AKNA: variants seen among roughly 807,000 people sequenced by gnomAD.
AKNA encodes microtubule organization protein AKNA.
Under a neutral mutation model 138.8 loss-of-function variants are expected in AKNA, and 67 were observed. The ratio of observed to expected loss-of-function variants is 0.48; its 90% CI spans 0.40 to 0.59. The LOEUF is 0.59. AKNA is among the 20% of genes least tolerant of loss of function. The pLI, the probability that AKNA is intolerant of heterozygous loss-of-function variation, is 0.00. For synonymous variants in AKNA, 737 were observed against 754.4 expected (o/e 0.98, Z 0.38); for missense variants, 1,813 against 1,880.4 (o/e 0.96, Z 0.66).
Position 114,381,078 on chromosome 9 carries a change from C to T in AKNA, c.256G>A (p.Gly86Arg). 6.4e-7 allele frequency: 1 copy of T among 1,570,726 alleles called. No homozygotes were observed. The highest frequency in any genetic ancestry group is 1.6e-5 in the African/African-American group (1 of 62,222). The change falls in exon 2 of 22, where the codon GGA (glycine) becomes AGA (arginine). Residue 86 changes from glycine (G) to arginine (R), a missense_variant. Gly to Arg is a moderately radical substitution (Grantham distance 125). Transcript: ENST00000374088. Reference protein sequence around the residue: ...QPDGHQDSESGETSGEEAEAE... With the variant: ...QPDGHQDSESRETSGEEAEAE... ...GTCTCACCTTCTCCCGAAGTCTCTC[C>T]TGACTCGGAATCCTGATGCCCATCG...
intron 14 of AKNA, among the ~76,000 whole-genome samples, chr9:114,355,673 A>G (rs574937433): frequency 4.6e-5 from 7 of 152,238 alleles, no homozygotes; most frequent in Non-Finnish European, 7.3e-5. Context: ...GCAGTGCATG[A>G]CAGTATGTGT....
downstream of AKNA, among the ~76,000 whole-genome samples, chr9:114,332,220 C>A (rs1357982293): frequency 6.6e-6 from 1 of 151,846 alleles, no homozygotes; most frequent in South Asian, 2.1e-4. Flanking sequence ...GGACGTAATG[C>A]GGGGAGTTAC....
At chr9:114,350,722 A>T (rs1831049349) in intron 15 of AKNA, 137 bp downstream of exon 15, 1 of 952,396 alleles carries the variant, frequency 1.0e-6, no homozygotes. Flanking sequence ...GGGAGGCAGG[A>T]CACCTGGGTC....
chr9:114,351,373 G>A (rs1378934036), intron 14 of AKNA, among the ~76,000 whole-genome samples: 1 of 152,106 alleles, frequency 6.6e-6, no homozygotes, highest in Non-Finnish European at 1.5e-5. Context: ...GTTTTTGTGG[G>A]GCTGGCTTCA....
chr9:114,392,010 G>A (rs1834362735), upstream of AKNA, among the ~76,000 whole-genome samples: 1 of 149,316 alleles, frequency 6.7e-6, no homozygotes, highest in Admixed American at 6.8e-5. Flanking sequence ...CGAGCCTGAG[G>A]CACAAGAATC....
upstream of AKNA, among the ~76,000 whole-genome samples, chr9:114,398,171 G>A (rs1834594717): frequency 6.6e-6 from 1 of 152,158 alleles, no homozygotes; most frequent in South Asian, 2.1e-4. The surrounding 1 kb of genome is among the most constrained non-coding windows in gnomAD (Gnocchi z 4.2). Context: ...GGAGGGTGGA[G>A]ACTGAGGAAC....
intron 3 of AKNA, among the ~76,000 whole-genome samples, chr9:114,375,407 A>G (rs1437937259): frequency 1.3e-5 from 2 of 152,236 alleles, no homozygotes; most frequent in Non-Finnish European, 2.9e-5. Context: ...GACAGACTTG[A>G]AAGGCACCAA....
intron 1 of AKNA, among the ~76,000 whole-genome samples, chr9:114,385,726 T>C (rs757394974): frequency 3.9e-5 from 6 of 152,234 alleles, no homozygotes; most frequent in African/African-American, 1.4e-4. Flanking sequence ...GAGCCTTTCC[T>C]GAGCCAGGCC....
chr9:114,367,771 C>G, intron 5 of AKNA, 74 bp from the exon 6 acceptor site: 1 of 1,461,164 alleles, frequency 6.8e-7, no homozygotes. Context: ...GGCTGAACGT[C>G]AAAGCCACCA....
chr9:114,385,003 C>T (rs1488960350), intron 1 of AKNA, among the ~76,000 whole-genome samples: 1 of 152,192 alleles, frequency 6.6e-6, no homozygotes, highest in Non-Finnish European at 1.5e-5. Context: ...GTATGCGCCA[C>T]CATGCCTGGC....
intron 17 of AKNA, 144 bp downstream of exon 17, chr9:114,346,525 T>G (rs1235301053): frequency 4.9e-6 from 3 of 612,022 alleles, no homozygotes; most frequent in Non-Finnish European, 8.2e-6. Flanking sequence ...GCTCTGTGCT[T>G]CACAGCACTA....
At chr9:114,339,176 A>G (rs1017764960) in intron 21 of AKNA, among the ~76,000 whole-genome samples, 1 of 152,172 alleles carries the variant, frequency 6.6e-6, no homozygotes, top group African/African-American at 2.4e-5. Flanking sequence ...TTTGATGACC[A>G]ACTTGGCCTG....
chr9:114,381,782 T>TG (rs1833701356), intron 1 of AKNA, among the ~76,000 whole-genome samples: 2 of 147,214 alleles, frequency 1.4e-5, no homozygotes, highest in Non-Finnish European at 3.0e-5. Context: ...TGCCTCAGCC[T>TG]CCTGAGTAGC....
intron 2 of AKNA, among the ~76,000 whole-genome samples, chr9:114,378,561 G>A (rs1214746502): frequency 6.6e-6 from 1 of 152,188 alleles, no homozygotes; most frequent in Non-Finnish European, 1.5e-5. Flanking sequence ...GGAGAAAAGG[G>A]AGGTGAGTGA....
chr9:114,388,279 GAGA>G (rs1271974993), upstream of AKNA, among the ~76,000 whole-genome samples: 2 of 152,242 alleles, frequency 1.3e-5, no homozygotes, highest in Non-Finnish European at 2.9e-5. Context: ...CTAAAGCACA[GAGA>G]AGGTCAGAGG....
chr9:114,331,463 T>C, downstream of AKNA: 1 of 914,384 alleles, frequency 1.1e-6, no homozygotes, highest in Non-Finnish European at 1.7e-6. Flanking sequence ...GGGCCTTCAC[T>C]GATGGGCTTT....
At chr9:114,376,402 T>C (rs768773244) in intron 3 of AKNA, 64 bp downstream of exon 3, 7 of 1,342,538 alleles carry the variant, frequency 5.2e-6, no homozygotes, top group African/African-American at 1.6e-5. Context: ...CCCACCCCAA[T>C]TAGCCTCCAC....
intron 1 of AKNA, among the ~76,000 whole-genome samples, chr9:114,383,730 TGAGAA>T (rs1231494652): frequency 6.6e-6 from 1 of 152,138 alleles, no homozygotes; most frequent in Non-Finnish European, 1.5e-5. Context: ...TTTGTGTGGC[TGAGAA>T]AAGTCAGCAG....
At position 114,343,890 on chromosome 9, in the gene AKNA, C is replaced by T. The variant is rs572690841; in HGVS notation, c.3662-87G>A. 1.2e-4 allele frequency: 148 copies of T among 1,226,330 alleles called. 1 individual carries two copies. The highest frequency in any genetic ancestry group is 1.1e-3 in the Admixed American group (52 of 45,360). 76.0% of individuals were successfully genotyped at this position (1,226,330 alleles called of 1,614,324 possible). A position where few individuals can be genotyped will look rare whatever the true frequency, so the allele number is the denominator to read the frequency against. Reference sequence around the variant, plus strand: ...ATTCTGGAATAATGATCTCCTCTTCCTCCAAATGGTTTTAATAGTCTCTGT... The same window carrying T: ...ATTCTGGAATAATGATCTCCTCTTCTTCCAAATGGTTTTAATAGTCTCTGT... On this transcript the variant is annotated intron_variant, in intron 18 of 21. Transcript: ENST00000374088.
Sources: gnomAD v4.1 joint callset for allele counts (sites outside exome capture counted in the v4.1 genomes callset) on GRCh38, gnomAD v4.1.1 for gene constraint, Gnocchi (gnomAD v3.1) non-coding constraint, MANE v1.5 for transcripts, NCBI Gene and HGNC (gene_info 2026-07-23, HGNC 2026-07-21) for gene names.